Variants in WWOX observed in about 807,000 individuals in gnomAD.
The protein encoded by WWOX is WW domain-containing oxidoreductase.
A neutral mutation model predicts 46.2 loss-of-function variants in WWOX; 69 were observed. The ratio of observed to expected loss-of-function variants is 1.49; its 90% CI spans 1.23 to 1.82. The LOEUF (loss-of-function observed/expected upper bound fraction) is 1.82, where lower values mean the gene tolerates loss of function less well. Ranked by LOEUF, WWOX falls within the 40% of genes most tolerant of loss-of-function variation. The pLI, the probability that WWOX is intolerant of heterozygous loss-of-function variation, is 0.00. For synonymous variants in WWOX, 359 were observed against 202.6 expected (o/e 1.77, Z -6.56); for missense variants, 919 against 542.6 (o/e 1.69, Z -6.89).
At chr16:78,349,583 A>G (rs1040759439) in intron 5 of WWOX, among the ~76,000 whole-genome samples, 2 of 120,310 alleles carry the variant, frequency 1.7e-5, no homozygotes, top group African/African-American at 5.6e-5. Flanking sequence ...GCTGCAGGCC[A>G]CCTTCACAGC....
intron 8 of WWOX, among the ~76,000 whole-genome samples, chr16:78,500,859 G>C (rs1403928937): frequency 6.6e-6 from 1 of 152,172 alleles, no homozygotes; most frequent in Non-Finnish European, 1.5e-5. Context: ...GGCCTGCTAG[G>C]AGTCGATATT....
intron 8 of WWOX, among the ~76,000 whole-genome samples, chr16:78,796,540 C>T (rs1006778169): frequency 6.6e-6 from 1 of 152,222 alleles, no homozygotes; most frequent in South Asian, 2.1e-4. Context: ...AACACATTGC[C>T]TTCTCAGGCT....
intron 2 of WWOX, 26 bp from the exon 3 acceptor site, chr16:78,109,752 G>A (rs780682347): frequency 6.2e-7 from 1 of 1,613,964 alleles, no homozygotes; most frequent in Admixed American, 1.7e-5. Context: ...CCTGGCACCT[G>A]TAGACCTGTC....
At chr16:78,705,006 G>A (rs947435197) in intron 8 of WWOX, among the ~76,000 whole-genome samples, 1 of 151,228 alleles carries the variant, frequency 6.6e-6, no homozygotes, top group African/African-American at 2.4e-5. Context: ...AACATTTCTA[G>A]AAGTGCAACA....
At chr16:79,021,337 C>T (rs563001743) in intron 8 of WWOX, among the ~76,000 whole-genome samples, 1 of 152,122 alleles carries the variant, frequency 6.6e-6, no homozygotes, top group African/African-American at 2.4e-5. Flanking sequence ...TCAAGAAACT[C>T]GCTTTCTTTG....
At chr16:78,621,335 C>A (rs1389388514) in intron 8 of WWOX, among the ~76,000 whole-genome samples, 3 of 152,062 alleles carry the variant, frequency 2.0e-5, no homozygotes, top group African/African-American at 7.2e-5. Context: ...CTACTCACCA[C>A]CCACCCAGTT....
chr16:78,989,301 T>A (rs1450264680), intron 8 of WWOX, among the ~76,000 whole-genome samples: 3 of 152,216 alleles, frequency 2.0e-5, no homozygotes, highest in Non-Finnish European at 4.4e-5. Context: ...ATTAGTTCAA[T>A]ATCAAGAGCT....
At chr16:78,995,506 G>A (rs550049039) in intron 8 of WWOX, among the ~76,000 whole-genome samples, 3 of 152,140 alleles carry the variant, frequency 2.0e-5, no homozygotes, top group Admixed American at 6.5e-5. Context: ...TGGAACCCAA[G>A]CTGGAACTTG....
chr16:78,411,157 A>G (rs186791746), intron 6 of WWOX, among the ~76,000 whole-genome samples: 3 of 152,212 alleles, frequency 2.0e-5, no homozygotes, highest in East Asian at 3.9e-4. Context: ...CCTAGGTCTC[A>G]CCCACCCTTG....
chr16:78,298,279 T>A (rs1272662691), intron 5 of WWOX, among the ~76,000 whole-genome samples: 2 of 152,080 alleles, frequency 1.3e-5, no homozygotes, highest in African/African-American at 4.8e-5. Context: ...GGGCCATCTT[T>A]CTTAGGCAGG....
intron 8 of WWOX, among the ~76,000 whole-genome samples, chr16:78,969,507 G>C (rs772164401): frequency 1.4e-4 from 21 of 152,096 alleles, no homozygotes; most frequent in Admixed American, 5.9e-4. Context: ...CTGACCTCAA[G>C]TGATCCAACC....
intron 5 of WWOX, among the ~76,000 whole-genome samples, chr16:78,203,769 C>G (rs114303876): frequency 5.6e-4 from 85 of 152,226 alleles, no homozygotes; most frequent in African/African-American, 1.9e-3. Flanking sequence ...CTTGGGCAAG[C>G]GCGTGCTAGT....
At chr16:78,871,668 C>T (rs1278468161) in intron 8 of WWOX, among the ~76,000 whole-genome samples, 3 of 152,216 alleles carry the variant, frequency 2.0e-5, no homozygotes, top group African/African-American at 7.2e-5. Context: ...AGTGCAATTT[C>T]AGCTCACTGC....
At chr16:78,771,168 C>G (rs1375322983) in intron 8 of WWOX, among the ~76,000 whole-genome samples, 1 of 152,088 alleles carries the variant, frequency 6.6e-6, no homozygotes, top group African/African-American at 2.4e-5. Flanking sequence ...GATGGAGATC[C>G]ATTTGGATAG....
intron 8 of WWOX, among the ~76,000 whole-genome samples, chr16:78,684,120 C>G (rs909087259): frequency 2.0e-5 from 3 of 152,208 alleles, no homozygotes; most frequent in East Asian, 3.9e-4. Flanking sequence ...CTCATGGCAT[C>G]TTTTTATCAG....
chr16:79,073,057 C>T (rs1486934101), intron 8 of WWOX, among the ~76,000 whole-genome samples: 4 of 152,032 alleles, frequency 2.6e-5, no homozygotes, highest in Non-Finnish European at 4.4e-5. Flanking sequence ...GTGAGAGTTG[C>T]AGAATCTGTG....
intron 8 of WWOX, among the ~76,000 whole-genome samples, chr16:78,520,588 G>A (rs537384433): frequency 4.6e-5 from 7 of 152,178 alleles, no homozygotes; most frequent in Admixed American, 1.3e-4. Flanking sequence ...TTGTCTGGTG[G>A]GAAGGCTGCT....
intron 5 of WWOX, among the ~76,000 whole-genome samples, chr16:78,240,102 G>C (rs2037588328): frequency 1.3e-5 from 2 of 152,076 alleles, no homozygotes; most frequent in Admixed American, 1.3e-4. Context: ...GGTCTTTGCA[G>C]ATGTAATTAG....
chr16:78,834,018 G>C (rs1554982), intron 8 of WWOX, among the ~76,000 whole-genome samples: 72,004 of 146,414 alleles, frequency 0.49, 17,405 homozygotes, highest in Non-Finnish European at 0.53. Flanking sequence ...AGCTGAATGA[G>C]TGAATGAGTG....
Sources: gnomAD v4.1 joint callset for allele counts (sites outside exome capture counted in the v4.1 genomes callset) on GRCh38, gnomAD v4.1.1 for gene constraint, MANE v1.5 for transcripts, NCBI Gene and HGNC (gene_info 2026-07-23, HGNC 2026-07-21) for gene names.